The following FHIT variants were observed in gnomAD, a reference collection of about 807,000 sequenced individuals.
FHIT encodes bis(5'-adenosyl)-triphosphatase.
A neutral mutation model predicts 17.9 loss-of-function variants in FHIT; 19 were observed. The observed-to-expected ratio is 1.06, with a 90% CI of 0.74 to 1.56. FHIT has a LOEUF of 1.56. Ranked by LOEUF, FHIT falls within the 40% of genes most tolerant of loss-of-function variation. The pLI, the probability that FHIT is intolerant of heterozygous loss-of-function variation, is 0.00. For synonymous variants in FHIT, 81 were observed against 69.7 expected (o/e 1.16, Z -0.81); for missense variants, 248 against 189.2 (o/e 1.31, Z -1.82).
intron 5 of FHIT, among the ~76,000 whole-genome samples, chr3:60,116,652 C>T (rs1234685966): frequency 6.6e-6 from 1 of 152,058 alleles, no homozygotes; most frequent in Non-Finnish European, 1.5e-5. Context: ...ATGTAGTCTA[C>T]CTATCCTCTA....
intron 5 of FHIT, among the ~76,000 whole-genome samples, chr3:60,207,662 T>C (rs967552974): frequency 2.0e-5 from 3 of 152,168 alleles, no homozygotes; most frequent in Admixed American, 6.5e-5. Context: ...AAAAATGCTA[T>C]GATTTGCTTT....
At chr3:59,856,377 A>G (rs1414259377) in intron 8 of FHIT, among the ~76,000 whole-genome samples, 3 of 152,338 alleles carry the variant, frequency 2.0e-5, no homozygotes, top group East Asian at 1.9e-4. Flanking sequence ...ATTTTTCCCA[A>G]TGTTCAAGGA....
chr3:61,196,883 G>A (rs1576192308), intron 2 of FHIT, among the ~76,000 whole-genome samples: 1 of 152,274 alleles, frequency 6.6e-6, no homozygotes, highest in Non-Finnish European at 1.5e-5. Context: ...TCAACCTCGT[G>A]TTCCCAGGTC....
intron 4 of FHIT, among the ~76,000 whole-genome samples, chr3:60,570,504 C>G (rs756461654): frequency 6.6e-6 from 1 of 151,998 alleles, no homozygotes; most frequent in African/African-American, 2.4e-5. Context: ...CAAGACATTA[C>G]CAAGCTTCTT....
At chr3:59,948,974 G>C (rs1380835120) in intron 7 of FHIT, among the ~76,000 whole-genome samples, 1 of 152,084 alleles carries the variant, frequency 6.6e-6, no homozygotes, top group Non-Finnish European at 1.5e-5. Context: ...TTTGGGGGAT[G>C]AATGATCCTG....
At chr3:60,188,668 T>C (rs1422348622) in intron 5 of FHIT, among the ~76,000 whole-genome samples, 1 of 152,164 alleles carries the variant, frequency 6.6e-6, no homozygotes, top group Admixed American at 6.5e-5. Context: ...CTTCTTTACA[T>C]TGCATCATAA....
intron 6 of FHIT, 98 bp downstream of exon 6, chr3:60,013,909 A>G: frequency 7.9e-7 from 1 of 1,264,892 alleles, no homozygotes; most frequent in Non-Finnish European, 1.1e-6. Context: ...AATACAAACA[A>G]TCACATCTGC....
Position 60,466,931 on chromosome 3 carries a change from C to G in FHIT, c.103+69929G>C, listed in dbSNP as rs374682550. Among the ~76,000 whole-genome samples, 6 of 150,226 alleles carry G rather than the reference C, an allele frequency of 4.0e-5. No homozygotes were observed. In the South Asian group the frequency reaches 1.3e-3, roughly 32 times the overall value. ...TTCCTTCCTCATCAGTTTTATGAAA[C>G]AGTTTGAGTAGCATTGGTATTAGTG... On this transcript the variant is annotated intron_variant, in intron 5 of 9. Transcript: ENST00000492590.
intron 5 of FHIT, among the ~76,000 whole-genome samples, chr3:60,235,631 C>T (rs544670683): frequency 6.6e-6 from 1 of 152,268 alleles, no homozygotes; most frequent in South Asian, 2.1e-4. Flanking sequence ...TGAACATACA[C>T]AGCAACATCA....
chr3:60,230,776 T>A (rs1171787566), intron 5 of FHIT, among the ~76,000 whole-genome samples: 3 of 152,224 alleles, frequency 2.0e-5, no homozygotes, highest in African/African-American at 7.2e-5. Context: ...AGTGGCATGA[T>A]CTTGGCTGAC....
intron 7 of FHIT, among the ~76,000 whole-genome samples, chr3:59,938,274 A>G (rs994506571): frequency 6.6e-6 from 1 of 152,228 alleles, no homozygotes; most frequent in African/African-American, 2.4e-5. Flanking sequence ...TGGAAGACAT[A>G]CACTAAGTGA....
At chr3:60,333,510 T>A (rs1710090402) in intron 5 of FHIT, among the ~76,000 whole-genome samples, 1 of 152,040 alleles carries the variant, frequency 6.6e-6, no homozygotes, top group South Asian at 2.1e-4. Flanking sequence ...AATTGAACTT[T>A]TAAAAACTTC....
chr3:60,018,798 T>G (rs1324658995), intron 5 of FHIT, among the ~76,000 whole-genome samples: 1 of 151,158 alleles, frequency 6.6e-6, no homozygotes, highest in African/African-American at 2.4e-5. Context: ...GCCAACGTGG[T>G]GAAACCCCAT....
chr3:59,935,091 A>C (rs1179307764), intron 7 of FHIT, among the ~76,000 whole-genome samples: 3 of 152,150 alleles, frequency 2.0e-5, no homozygotes, highest in African/African-American at 7.2e-5. Flanking sequence ...CCATTCCAAG[A>C]TAGAGTCTTC....
intron 3 of FHIT, among the ~76,000 whole-genome samples, chr3:60,832,739 A>AATCTG (rs1702375480): frequency 6.6e-6 from 1 of 151,938 alleles, no homozygotes; most frequent in Non-Finnish European, 1.5e-5. Flanking sequence ...TCCTGTTTTC[A>AATCTG]ATCTGGAAGA....
chr3:60,200,238 G>C (rs1286176772), intron 5 of FHIT, among the ~76,000 whole-genome samples: 3 of 152,110 alleles, frequency 2.0e-5, no homozygotes, highest in Non-Finnish European at 4.4e-5. Flanking sequence ...TGAGAGTTCT[G>C]TTACCAACAG....
intron 5 of FHIT, among the ~76,000 whole-genome samples, chr3:60,259,003 A>T (rs370990853): frequency 6.6e-6 from 1 of 151,904 alleles, no homozygotes; most frequent in Admixed American, 6.6e-5. Context: ...TATGTTCTCA[A>T]ATATCAAGAT....
chr3:59,982,565 G>T (rs1259065179), intron 7 of FHIT, among the ~76,000 whole-genome samples: 4 of 152,102 alleles, frequency 2.6e-5, no homozygotes, highest in Admixed American at 2.6e-4. Context: ...TTTACTTTGG[G>T]AATATTTCAC....
At chr3:60,900,140 T>G (rs1706039769) in intron 3 of FHIT, among the ~76,000 whole-genome samples, 1 of 152,194 alleles carries the variant, frequency 6.6e-6, no homozygotes, top group South Asian at 2.1e-4. Context: ...CTATCATGAC[T>G]TGTACTGCTG....
Sources: allele counts gnomAD v4.1 joint callset (sites outside exome capture counted in the v4.1 genomes callset), GRCh38; gene constraint gnomAD v4.1.1; transcripts MANE v1.5; gene names NCBI Gene and HGNC (gene_info 2026-07-23, HGNC 2026-07-21).